Variants in NOXA1 observed in about 807,000 individuals in gnomAD.
The protein encoded by NOXA1 is NCF2-like protein.
Under a neutral mutation model 64.8 loss-of-function variants are expected in NOXA1, and 56 were observed. The ratio of observed to expected loss-of-function variants is 0.86; its 90% CI spans 0.70 to 1.08. NOXA1 has a LOEUF of 1.08. NOXA1 is among the 50% of genes least tolerant of loss of function. The probability of loss-of-function intolerance (pLI) is 0.00; values close to 1 mark genes in which losing one functional copy is unlikely to be tolerated. For missense variants in NOXA1, 668 were observed against 658.5 expected (o/e 1.01, Z -0.16); for synonymous variants, 295 against 294.8 (o/e 1.00, Z -0.01).
At chr9:137,433,159 C>T (rs1384465789) in intron 9 of NOXA1, 46 bp from the exon 10 acceptor site, 1 of 1,608,814 alleles carries the variant, frequency 6.2e-7, no homozygotes, top group Non-Finnish European at 8.5e-7. Flanking sequence ...ACCCACAGGG[C>T]CCACTTTGGT....
intron 1 of NOXA1, 115 bp from the exon 2 acceptor site, chr9:137,426,133 G>A: frequency 1.1e-6 from 1 of 930,506 alleles, no homozygotes. Context: ...AGGGGCTGTG[G>A]GGGGTCCCCA....
At position 137,434,210 on chromosome 9, in the gene NOXA1, T is replaced by C; in HGVS notation, c.1295-14T>C. ...CTGGGTAACGCCCTGCAGAGCCCGA[T>C]GTCCCCCTTGCAGTGGACCAGGCAT... is the stretch of plus-strand genomic sequence containing the variant. On this transcript the variant is annotated splice_polypyrimidine_tract_variant and intron_variant, in intron 13 of 13. Coordinates refer to ENST00000683555, the MANE Select transcript of NOXA1 (RefSeq NM_001256067.2). 6.2e-7 allele frequency: 1 copy of C among 1,603,986 alleles called. No homozygotes were observed. Among genetic ancestry groups the C allele is most frequent in the Non-Finnish European group, 8.5e-7 (1 of 1,175,624 alleles).
At chr9:137,432,292 A>AAAAG in intron 8 of NOXA1, among the ~76,000 whole-genome samples, 1 of 151,058 alleles carries the variant, frequency 6.6e-6, no homozygotes, top group African/African-American at 2.4e-5. Context: ...AAAAAAAAAA[A>AAAAG]AAAAAAGCCA....
chr9:137,433,901 A>AG, intron 12 of NOXA1, 37 bp downstream of exon 12: 1 of 1,486,852 alleles, frequency 6.7e-7, no homozygotes, highest in Non-Finnish European at 9.0e-7. Context: ...GGGCACCCTG[A>AG]GGGGCGGTGG....
At position 137,433,583 on chromosome 9, in the gene NOXA1, A is replaced by C. The variant is rs766073676; in HGVS notation, c.1040A>C (p.His347Pro). 10 of 1,556,904 alleles carry C rather than the reference A, an allele frequency of 6.4e-6. No homozygotes were observed. The African/African-American group carries it at 1.4e-4, about 21-fold the overall frequency. ...LRALLGQALP[H>P]QAQLGQLSYL... is the part of the protein sequence containing the mutation. ...GCACTGCTGGGCCAAGCCCTCCCTC[A>C]CCAGGCCCAGCTTGGGCAACTCAGG... Residue 347 changes from histidine to proline, a missense_variant, in exon 11 of 14, where the codon CAC becomes CCC. Physicochemically the swap from His to Pro is moderately conservative, Grantham distance 77. Coordinates refer to ENST00000683555, the MANE Select transcript of NOXA1 (RefSeq NM_001256067.2).
Position 137,433,740 on chromosome 9 carries a change from C to T in NOXA1, c.1065-10C>T. ...ACCCAGGAGGCCCCCTCTGAGGAAT[C>T]TCTTTGCAGTTACCTAGCCCCAGGT... On this transcript the variant is annotated splice_polypyrimidine_tract_variant and intron_variant, in intron 11 of 13. Coordinates refer to ENST00000683555, the MANE Select transcript of NOXA1 (RefSeq NM_001256067.2). 2.1e-6 allele frequency: 3 copies of T among 1,461,906 alleles called. No individual in the cohort carries two copies. The highest frequency in any genetic ancestry group is 2.7e-6 in the Non-Finnish European group (3 of 1,101,110). 90.6% of individuals were successfully genotyped at this position (1,461,906 alleles called of 1,614,324 possible). A position where few individuals can be genotyped will look rare whatever the true frequency, so the allele number is the denominator to read the frequency against.
chr9:137,433,970 CG>C lies in NOXA1; in HGVS notation c.1190del (p.Gly397ValfsTer?), dbSNP rs1367707052. On this transcript the variant is annotated frameshift_variant, in exon 13 of 14. Transcript: ENST00000683555. LOFTEE classifies it high-confidence loss of function. ...AGCCCACTCTCCTGCCTCAGGGAGC[CG>C]GGGGTCGGCCGGTCCTCTACCAGGT... ...RGLQLQCRGA[G>X]GRPVLYQVVA... 4 of 1,546,228 alleles carry C rather than the reference CG, an allele frequency of 2.6e-6. No individual in the cohort carries two copies. The highest frequency in any genetic ancestry group is 2.4e-5 in the East Asian group (1 of 41,570).
rs1839193584 is a variant in NOXA1, at chr9:137,433,218, G to C, written c.864G>C (p.Met288Ile). The change falls in exon 10 of 14, where the codon ATG (methionine) becomes ATC (isoleucine). Residue 288 changes from methionine to isoleucine, a missense_variant. By Grantham distance (10) the Met-to-Ile change is conservative. Coordinates refer to ENST00000683555, the MANE Select transcript of NOXA1 (RefSeq NM_001256067.2). The stretch of plus-strand genomic sequence containing the variant: ...TCTGTCCTACAGGGCTGCCGGCAAT[G>C]GGGGGGCCTGGCCCCGGCCCCTGTG... ...QAPLSPGLPA[M>I]GGPGPGPCED... 1.2e-6 allele frequency: 2 copies of C among 1,602,620 alleles called. No individual in the cohort carries two copies. The highest frequency in any genetic ancestry group is 1.1e-5 in the South Asian group (1 of 90,160).
intron 11 of NOXA1, 52 bp downstream of exon 11, chr9:137,433,659 T>C: frequency 6.6e-7 from 1 of 1,518,464 alleles, no homozygotes; most frequent in Non-Finnish European, 8.9e-7. Flanking sequence ...CCGCCCCGAC[T>C]GAGGCAGCTG....
In NOXA1 at chr9:137,431,316, G is replaced by A. The variant is rs1288344701; in HGVS notation, c.779G>A (p.Cys260Tyr). 1 of 1,610,690 alleles carries A rather than the reference G, an allele frequency of 6.2e-7. No homozygotes were observed. The highest frequency in any genetic ancestry group is 8.5e-7 in the Non-Finnish European group (1 of 1,179,918). Reference sequence around the variant, plus strand: ...GAGACAGAGGTCGGTGCTGACCGCTGCACGTCGACTGCCTACCAGGAGCAG... The same window carrying A: ...GAGACAGAGGTCGGTGCTGACCGCTACACGTCGACTGCCTACCAGGAGCAG... ...DAETEVGADR[C>Y]TSTAYQEQRP... The change falls in exon 8 of 14, where the codon TGC becomes TAC. Residue 260 changes from cysteine (C) to tyrosine (Y), a missense_variant. Cys to Tyr is a radical substitution (Grantham distance 194). Transcript: ENST00000683555. This position sits in a 1 kb window ranked among gnomAD's most constrained non-coding sequence, Gnocchi z 5.6.
In NOXA1 at chr9:137,429,853, G is replaced by T. The variant is rs1480844457; in HGVS notation, c.612+470G>T. On this transcript the variant is annotated intron_variant, in intron 5 of 13. Transcript: ENST00000683555. The stretch of plus-strand genomic sequence containing the variant: ...CTGCCACAGATAGCGAGGTCCCGGG[G>T]GGGGGGGGTCCCTGCGTCCCTGCCA... Among the ~76,000 whole-genome samples, 167 of 92,738 alleles carry T rather than the reference G, an allele frequency of 1.8e-3. 1 individual carries two copies. Among genetic ancestry groups the T allele is most frequent in the African/African-American group, 7.3e-3 (158 of 21,514 alleles). The allele number at this position is 92,738 out of a possible 152,430, so 60.8% of individuals were successfully genotyped here. A position where few individuals can be genotyped will look rare whatever the true frequency, so the allele number is the denominator to read the frequency against.
At position 137,430,804 on chromosome 9, in the gene NOXA1, C is replaced by T. The variant is rs760667069; in HGVS notation, c.633C>T (p.Pro211=). ...GCCAGGTGGTGGCCTCTGCCATCCC[C>T]GACGACCAGGGCTGGGGCGTCCGCC... ...GKAKVVASAI[P]DDQGWGVRPQ... Residue 211 remains proline (P), a synonymous_variant, in exon 6 of 14, where the codon CCC becomes CCT. Transcript: ENST00000683555. The T allele has an allele frequency of 8.1e-6, 13 of 1,595,176 alleles. No homozygotes were observed. The highest frequency in any genetic ancestry group is 4.5e-5 in the East Asian group (2 of 44,700).
intron 8 of NOXA1, among the ~76,000 whole-genome samples, chr9:137,432,536 C>T (rs568224326): frequency 3.3e-5 from 5 of 152,114 alleles, no homozygotes; most frequent in African/African-American, 4.8e-5. Context: ...GCCAAGATGG[C>T]GCCACTGCAC....
intron 6 of NOXA1, 82 bp from the exon 7 acceptor site, chr9:137,430,993 G>A: frequency 1.2e-6 from 2 of 1,607,330 alleles, no homozygotes; most frequent in Non-Finnish European, 1.7e-6. Flanking sequence ...AAGACCTGGG[G>A]AAACCACTCT....
rs1564243079 is a variant in NOXA1, at chr9:137,433,879, A to AGGTAGG, written c.1179+17_1179+18insTAGGGG. 9 of 1,467,622 alleles carry AGGTAGG rather than the reference A, an allele frequency of 6.1e-6. No homozygotes were observed. The highest frequency in any genetic ancestry group is 8.1e-6 in the Non-Finnish European group (9 of 1,107,968). The allele number at this position is 1,467,622 out of a possible 1,614,324, so 90.9% of individuals were successfully genotyped here. A position where few individuals can be genotyped will look rare whatever the true frequency, so the allele number is the denominator to read the frequency against. On this transcript the variant is annotated intron_variant, in intron 12 of 13. Coordinates refer to ENST00000683555, the MANE Select transcript of NOXA1 (RefSeq NM_001256067.2). ...TGCAGTGCAGGGTGAGCCAAGGGCG[A>AGGTAGG]GGCAGGGGCAGGGGCACCCTGAGGG...
Position 137,433,903 on chromosome 9 carries a change from G to A in NOXA1, c.1179+39G>A. 4.7e-6 allele frequency: 7 copies of A among 1,489,472 alleles called. No homozygotes were observed. In the South Asian group the frequency reaches 9.1e-5, roughly 19 times the overall value. The allele number at this position is 1,489,472 out of a possible 1,614,324, so 92.3% of individuals were successfully genotyped here. ...GAGGCAGGGGCAGGGGCACCCTGAG[G>A]GGCGGTGGAGGCCCCTCCTCCCAGT... On this transcript the variant is annotated intron_variant, in intron 12 of 13. Transcript: ENST00000683555.
chr9:137,426,476 G>GGGTCA, intron 2 of NOXA1, 146 bp downstream of exon 2: 1 of 654,874 alleles, frequency 1.5e-6, no homozygotes, highest in Non-Finnish European at 2.5e-6. Flanking sequence ...AGGGAAACCT[G>GGGTCA]AGACTGTGGC....
chr9:137,430,786 G>C lies in NOXA1; in HGVS notation c.615G>C (p.Val205=). 6.3e-7 allele frequency: 1 copy of C among 1,594,936 alleles called. No homozygotes were observed. Among genetic ancestry groups the C allele is most frequent in the Non-Finnish European group, 8.5e-7 (1 of 1,176,072 alleles). Residue 205 remains valine (V), a splice_region_variant and synonymous_variant, in exon 6 of 14, where the codon GTG becomes GTC. Transcript: ENST00000683555. ...EPVDFLGKAK[V]VASAIPDDQG... ...AGCGTCCCCACTGTCCCCGCCAGGTGGTGGCCTCTGCCATCCCCGACGACC... is the reference window on the plus strand; with the variant it reads ...AGCGTCCCCACTGTCCCCGCCAGGTCGTGGCCTCTGCCATCCCCGACGACC...
chr9:137,426,626 G>A (rs962215609), intron 2 of NOXA1, among the ~76,000 whole-genome samples: 2 of 152,298 alleles, frequency 1.3e-5, no homozygotes, highest in Non-Finnish European at 2.9e-5. Context: ...GCCATGCCTC[G>A]GCCTCTCTGC....
Sources: allele counts gnomAD v4.1 joint callset (sites outside exome capture counted in the v4.1 genomes callset), GRCh38; gene constraint gnomAD v4.1.1; non-coding constraint Gnocchi (gnomAD v3.1); transcripts MANE v1.5; gene names NCBI Gene and HGNC (gene_info 2026-07-23, HGNC 2026-07-21).